Variants in THSD7A observed in about 807,000 individuals in gnomAD.
The protein encoded by THSD7A is thrombospondin type 1 domain containing 7A.
A neutral mutation model predicts 231.3 loss-of-function variants in THSD7A; 96 were observed. That is an observed-to-expected ratio of 0.41 (90% CI 0.35 to 0.49). The LOEUF is 0.49. Among genes scored for constraint, THSD7A ranks in the 20% least tolerant of loss-of-function variants. THSD7A has a pLI of 0.05. For missense variants in THSD7A, 2,290 were observed against 2,070.2 expected, an observed-to-expected ratio of 1.11 and a Z score of -2.06; for synonymous variants, 940 against 743.3, an observed-to-expected ratio of 1.26 and a Z score of -4.30.
chr7:11,669,729 G>A (rs1382174926), intron 1 of THSD7A, among the ~76,000 whole-genome samples: 1 of 151,932 alleles, frequency 6.6e-6, no homozygotes. Context: ...AGAATCCAAT[G>A]ATCTTGCTTC....
intron 5 of THSD7A, 146 bp from the exon 6 acceptor site, chr7:11,541,777 T>C: frequency 2.8e-6 from 2 of 713,730 alleles, no homozygotes; most frequent in South Asian, 3.4e-5. Context: ...CCCCAAACTG[T>C]AGCTAATGTG....
At position 11,406,857 on chromosome 7, in the gene THSD7A, A is replaced by G; in HGVS notation, c.4062+53T>C. The G allele has an allele frequency of 1.3e-6, 2 of 1,567,508 alleles. No individual in the cohort carries two copies. Among genetic ancestry groups the G allele is most frequent in the Admixed American group, 3.6e-5 (2 of 55,310 alleles). ...TTATTTTTATGTTTTTCTGCAGATG[A>G]AGTCTCTGCAGATAGAGTACACACT... On this transcript the variant is annotated intron_variant, in intron 21 of 27. Coordinates refer to ENST00000423059, the MANE Select transcript of THSD7A (RefSeq NM_015204.3). This position sits in a 1 kb window ranked among gnomAD's most constrained non-coding sequence, Gnocchi z 4.7.
intron 6 of THSD7A, among the ~76,000 whole-genome samples, chr7:11,485,273 A>G (rs1387943795): frequency 2.0e-5 from 3 of 152,096 alleles, no homozygotes; most frequent in African/African-American, 4.8e-5. Context: ...TTCTCCATTT[A>G]TTGTCTTCTG....
rs573676270 is a variant in THSD7A at position 11,801,684 on chromosome 7, G to C, written c.190+30073C>G. 5.3e-5 allele frequency among the ~76,000 whole-genome samples: 8 copies of C among 152,236 alleles called. No homozygotes were observed. In the South Asian group the frequency reaches 1.0e-3, roughly 20 times the overall value. On this transcript the variant is annotated intron_variant, in intron 1 of 27. Transcript: ENST00000423059. Reference sequence around the variant, plus strand: ...AACTGGAAAAAAAAGAATACATTTTGTTTAGATGTGGAAAATGAGTAGCTT... The same window carrying C: ...AACTGGAAAAAAAAGAATACATTTTCTTTAGATGTGGAAAATGAGTAGCTT...
rs544069317 is a variant in THSD7A at position 11,804,276 on chromosome 7, A to G, written c.190+27481T>C. 4.6e-5 allele frequency among the ~76,000 whole-genome samples: 7 copies of G among 152,252 alleles called. No homozygotes were observed. The South Asian group carries it at 1.0e-3, about 23-fold the overall frequency. ...GTAAAATCTTTAGACATAGCATTAC[A>G]TTAGTAATTAGAGTTCTCTTACTGT... is the stretch of plus-strand genomic sequence containing the variant. On this transcript the variant is annotated intron_variant, in intron 1 of 27. Transcript: ENST00000423059.
At position 11,406,216 on chromosome 7, in the gene THSD7A, A is replaced by T; in HGVS notation, c.4237+84T>A. ...ATAAGAAGACTGTTGACATCCTGTA[A>T]CTTATACTTTATATGCAACCCCTTC... is the stretch of plus-strand genomic sequence containing the variant. On this transcript the variant is annotated intron_variant, in intron 22 of 27. Transcript: ENST00000423059. The surrounding 1 kb of genome is among the most constrained non-coding windows in gnomAD (Gnocchi z 4.7). 7.4e-7 allele frequency: 1 copy of T among 1,357,478 alleles called. No individual in the cohort carries two copies. Among genetic ancestry groups the T allele is most frequent in the Non-Finnish European group, 1.0e-6 (1 of 988,394 alleles). 84.1% of individuals were successfully genotyped at this position (1,357,478 alleles called of 1,614,324 possible).
chr7:11,537,415 C>A (rs1032053843), intron 6 of THSD7A, among the ~76,000 whole-genome samples: 1 of 152,164 alleles, frequency 6.6e-6, no homozygotes, highest in East Asian at 1.9e-4. Flanking sequence ...CTTATGAACG[C>A]TTTAGCACTA....
intron 4 of THSD7A, among the ~76,000 whole-genome samples, chr7:11,568,993 A>AACAAAAC (rs1790504384): frequency 6.6e-6 from 1 of 151,226 alleles, no homozygotes; most frequent in African/African-American, 2.4e-5. Context: ...CTACAAAAAA[A>AACAAAAC]AAAACAAACC....
At chr7:11,703,334 G>A (rs1056252595) in intron 1 of THSD7A, among the ~76,000 whole-genome samples, 2 of 151,172 alleles carry the variant, frequency 1.3e-5, no homozygotes, top group Non-Finnish European at 3.0e-5. Flanking sequence ...CACAAACTGT[G>A]CTTGTTATTT....
At chr7:11,652,749 T>G (rs537824704) in intron 1 of THSD7A, among the ~76,000 whole-genome samples, 21 of 151,950 alleles carry the variant, frequency 1.4e-4, no homozygotes, top group Non-Finnish European at 2.4e-4. Flanking sequence ...TGAGGCAAAC[T>G]CCATGTGTCT....
intron 4 of THSD7A, among the ~76,000 whole-genome samples, chr7:11,575,391 T>C (rs1790849253): frequency 6.6e-6 from 1 of 152,186 alleles, no homozygotes; most frequent in South Asian, 2.1e-4. Flanking sequence ...AGTGCCTAGA[T>C]AAACTTTTTC....
chr7:11,407,510 G>T (rs1380163090), intron 19 of THSD7A, 87 bp from the exon 20 acceptor site: 1 of 939,692 alleles, frequency 1.1e-6, no homozygotes, highest in African/African-American at 1.7e-5. Context: ...AGAGAAGGAG[G>T]GAGAAAAAGC....
At chr7:11,606,937 A>G (rs1439639699) in intron 2 of THSD7A, among the ~76,000 whole-genome samples, 1 of 152,062 alleles carries the variant, frequency 6.6e-6, no homozygotes, top group African/African-American at 2.4e-5. Context: ...GCAAACTGTT[A>G]CTGTAACTCT....
chr7:11,768,370 T>C (rs1159909477), intron 1 of THSD7A, among the ~76,000 whole-genome samples: 1 of 152,178 alleles, frequency 6.6e-6, no homozygotes, highest in African/African-American at 2.4e-5. Context: ...AATCACAAAC[T>C]GGCTTGACAC....
intron 11 of THSD7A, among the ~76,000 whole-genome samples, chr7:11,454,782 A>G (rs1438353804): frequency 6.6e-6 from 1 of 152,014 alleles, no homozygotes; most frequent in African/African-American, 2.4e-5. Flanking sequence ...AATATTTATG[A>G]GAGAATGTAT....
chr7:11,693,896 T>C (rs1780310536), intron 1 of THSD7A, among the ~76,000 whole-genome samples: 1 of 151,534 alleles, frequency 6.6e-6, no homozygotes, highest in Non-Finnish European at 1.5e-5. Context: ...TATCTCTATT[T>C]TACTTATTCC....
At chr7:11,676,880 C>T (rs913976912) in intron 1 of THSD7A, among the ~76,000 whole-genome samples, 2 of 152,130 alleles carry the variant, frequency 1.3e-5, no homozygotes, top group African/African-American at 4.8e-5. Context: ...TTCAACCTAG[C>T]AAGACAGGCC....
intron 1 of THSD7A, among the ~76,000 whole-genome samples, chr7:11,723,642 CA>C (rs1278252457): frequency 1.3e-5 from 2 of 151,666 alleles, no homozygotes; most frequent in Non-Finnish European, 2.9e-5. Context: ...GAGCTATGTC[CA>C]GTTGGTTCTC....
At chr7:11,760,143 TAAA>T (rs958212509) in intron 1 of THSD7A, among the ~76,000 whole-genome samples, 1 of 151,994 alleles carries the variant, frequency 6.6e-6, no homozygotes, top group Non-Finnish European at 1.5e-5. Flanking sequence ...ATATTTCCAA[TAAA>T]ATGCCCATTG....
Sources: gnomAD v4.1 joint callset for allele counts (sites outside exome capture counted in the v4.1 genomes callset) on GRCh38, gnomAD v4.1.1 for gene constraint, Gnocchi (gnomAD v3.1) non-coding constraint, MANE v1.5 for transcripts, NCBI Gene and HGNC (gene_info 2026-07-23, HGNC 2026-07-21) for gene names.